Variants in RBMS1 observed in about 807,000 individuals in gnomAD.
The protein encoded by RBMS1 is RNA binding motif single stranded interacting protein 1, also known as RNA-binding motif, single-stranded-interacting protein 1.
In RBMS1, 17 loss-of-function variants were observed where a neutral mutation model predicts 62.3. That is an observed-to-expected ratio of 0.27 (90% CI 0.19 to 0.41). The LOEUF (loss-of-function observed/expected upper bound fraction) is 0.41, where lower values mean the gene tolerates loss of function less well. RBMS1 is among the 10% of genes least tolerant of loss of function. RBMS1 has a pLI of 1.00. For missense variants in RBMS1, 334 were observed against 504.5 expected (o/e 0.66, Z 3.24); for synonymous variants, 172 against 170.0 (o/e 1.01, Z -0.09).
chr2:160,327,491 T>C (rs1397767765), intron 2 of RBMS1, among the ~76,000 whole-genome samples: 1 of 152,174 alleles, frequency 6.6e-6, no homozygotes, highest in African/African-American at 2.4e-5. Flanking sequence ...GAGCATATTA[T>C]AAAGCATTTG....
intron 2 of RBMS1, among the ~76,000 whole-genome samples, chr2:160,334,360 T>C (rs1229537546): frequency 6.6e-6 from 1 of 152,202 alleles, no homozygotes. Context: ...TTGACTTCTA[T>C]GACAAAGTTT....
At position 160,452,344 on chromosome 2, in the gene RBMS1, C is replaced by G. The variant is rs534855930; in HGVS notation, c.75+40945G>C. Among the ~76,000 whole-genome samples, 4 of 152,270 alleles carry G rather than the reference C, an allele frequency of 2.6e-5. No individual in the cohort carries two copies. In the South Asian group the frequency reaches 8.3e-4, roughly 32 times the overall value. On this transcript the variant is annotated intron_variant, in intron 1 of 13. Coordinates refer to ENST00000348849, the MANE Select transcript of RBMS1 (RefSeq NM_016836.4). Reference sequence around the variant, plus strand: ...CATGGGAGATGGGTTCCAGGACCCCCAGAAGACACCAAAATCCCCAGATGC... The same window carrying G: ...CATGGGAGATGGGTTCCAGGACCCCGAGAAGACACCAAAATCCCCAGATGC...
At chr2:160,295,938 A>C (rs201502476) in intron 6 of RBMS1, among the ~76,000 whole-genome samples, 1 of 152,260 alleles carries the variant, frequency 6.6e-6, no homozygotes, top group East Asian at 1.9e-4. Context: ...GAGTTAAAAA[A>C]GCAAAGAGGT....
intron 1 of RBMS1, among the ~76,000 whole-genome samples, chr2:160,407,137 T>A (rs1695768004): frequency 6.6e-6 from 1 of 152,124 alleles, no homozygotes. Context: ...ATTACCGCAC[T>A]CCGCTACACA....
Position 160,408,035 on chromosome 2 carries a change from C to G in RBMS1, c.76-40644G>C, listed in dbSNP as rs187137049. On this transcript the variant is annotated intron_variant, in intron 1 of 13. Transcript: ENST00000348849. ...CCATCGCCCGCCCGGCCCCCGCGCTCTCCCTCCCGGGATCGGGGCCGGAGC... is the reference window on the plus strand; with the variant it reads ...CCATCGCCCGCCCGGCCCCCGCGCTGTCCCTCCCGGGATCGGGGCCGGAGC... 0.01 allele frequency: 6,507 copies of G among 639,066 alleles called. 343 individuals are homozygous for G. In the African/African-American group the frequency reaches 0.11, roughly 11 times the overall value. The allele number at this position is 639,066 out of a possible 1,614,324, so 39.6% of individuals were successfully genotyped here.
At chr2:160,450,413 G>T (rs1356570359) in intron 1 of RBMS1, among the ~76,000 whole-genome samples, 1 of 151,982 alleles carries the variant, frequency 6.6e-6, no homozygotes, top group Non-Finnish European at 1.5e-5. Flanking sequence ...GATGAAAGGT[G>T]CCTGTAATCC....
At chr2:160,426,448 C>A (rs73008312) in intron 1 of RBMS1, among the ~76,000 whole-genome samples, 16,901 of 152,066 alleles carry the variant, frequency 0.11, 1,052 homozygotes, top group East Asian at 0.24. Context: ...CATGCTCCCT[C>A]TCCCTCAACA....
chr2:160,442,790 C>T (rs976215003), intron 1 of RBMS1, among the ~76,000 whole-genome samples: 15 of 152,256 alleles, frequency 9.9e-5, no homozygotes, highest in African/African-American at 3.1e-4. Context: ...GGAGGCCCAA[C>T]GCAGGCAGCA....
intron 1 of RBMS1, among the ~76,000 whole-genome samples, chr2:160,437,854 G>A (rs1442439603): frequency 2.0e-5 from 3 of 152,154 alleles, no homozygotes; most frequent in Non-Finnish European, 2.9e-5. Flanking sequence ...TCCAATTATC[G>A]CCATATTGAT....
intron 6 of RBMS1, among the ~76,000 whole-genome samples, chr2:160,288,636 G>A (rs1338636407): frequency 6.6e-6 from 1 of 152,142 alleles, no homozygotes; most frequent in Non-Finnish European, 1.5e-5. Flanking sequence ...CTATCAGCAA[G>A]CCTTGGCCCA....
intron 1 of RBMS1, among the ~76,000 whole-genome samples, chr2:160,467,207 G>GAA (rs1328335107): frequency 1.8e-5 from 2 of 112,184 alleles, no homozygotes; most frequent in African/African-American, 3.3e-5. Flanking sequence ...GGGGTAAAAA[G>GAA]AAAAAAAAAA....
chr2:160,318,528 T>C (rs1399031367), intron 2 of RBMS1, among the ~76,000 whole-genome samples: 2 of 152,210 alleles, frequency 1.3e-5, no homozygotes, highest in African/African-American at 4.8e-5. Flanking sequence ...GTGGGCTCTA[T>C]ACCAAATATT....
At chr2:160,327,195 C>T (rs1055203891) in intron 2 of RBMS1, among the ~76,000 whole-genome samples, 6 of 152,184 alleles carry the variant, frequency 3.9e-5, no homozygotes, top group African/African-American at 1.4e-4. Context: ...TTCAGATCAA[C>T]ACATCCTTTG....
intron 7 of RBMS1, among the ~76,000 whole-genome samples, chr2:160,286,303 CTTTTTTTTTTTTTT>C (rs1221643184): frequency 3.3e-5 from 4 of 122,466 alleles, no homozygotes; most frequent in African/African-American, 1.2e-4. Context: ...TTCTTCCTTT[CTTTTTTTTTTTTTT>C]TTATTTTGTT....
At chr2:160,350,833 T>G (rs1242285247) in intron 2 of RBMS1, among the ~76,000 whole-genome samples, 1 of 152,186 alleles carries the variant, frequency 6.6e-6, no homozygotes, top group East Asian at 1.9e-4. Context: ...TGTGTCTTTA[T>G]AGCAGCATGA....
chr2:160,396,030 A>C (rs1695119964), intron 1 of RBMS1, among the ~76,000 whole-genome samples: 1 of 152,210 alleles, frequency 6.6e-6, no homozygotes, highest in Non-Finnish European at 1.5e-5. Context: ...TCATGTAATC[A>C]TCTCAATAAC....
At chr2:160,417,867 A>G (rs1425896732) in intron 1 of RBMS1, among the ~76,000 whole-genome samples, 1 of 152,098 alleles carries the variant, frequency 6.6e-6, no homozygotes, top group East Asian at 1.9e-4. Context: ...CAAGTAAATG[A>G]CTCATATGCT....
intron 1 of RBMS1, among the ~76,000 whole-genome samples, chr2:160,484,582 A>T (rs1222052533): frequency 6.6e-6 from 1 of 151,056 alleles, no homozygotes; most frequent in African/African-American, 2.4e-5. Flanking sequence ...AAAAGTTACG[A>T]AGCATTGGCC....
At chr2:160,469,963 G>A (rs1038032986) in intron 1 of RBMS1, among the ~76,000 whole-genome samples, 1 of 152,236 alleles carries the variant, frequency 6.6e-6, no homozygotes, top group African/African-American at 2.4e-5. Context: ...AACATCTGAA[G>A]CCTTATGCTG....
Sources: allele counts gnomAD v4.1 joint callset (sites outside exome capture counted in the v4.1 genomes callset), GRCh38; gene constraint gnomAD v4.1.1; transcripts MANE v1.5; gene names NCBI Gene and HGNC (gene_info 2026-07-23, HGNC 2026-07-21).